Variants in LMLN observed in about 807,000 individuals in gnomAD.
LMLN encodes the protein leishmanolysin like peptidase.
Under a neutral mutation model 92.3 loss-of-function variants are expected in LMLN, and 70 were observed. The observed-to-expected ratio is 0.76, with a 90% CI of 0.63 to 0.92. The LOEUF is 0.92. LMLN is among the 40% of genes least tolerant of loss of function. LMLN has a pLI of 0.00. For synonymous variants in LMLN, 308 were observed against 296.2 expected, an observed-to-expected ratio of 1.04 and a Z score of -0.41; for missense variants, 691 against 814.6, an observed-to-expected ratio of 0.85 and a Z score of 1.85.
At position 197,994,815 on chromosome 3, in the gene LMLN, A is replaced by T. The variant is rs1721972436; in HGVS notation, c.1048-1360A>T. The T allele has an allele frequency of 2.0e-5, 3 of 152,250 alleles. No homozygotes were observed. The South Asian group carries it at 6.2e-4, about 31-fold the overall frequency. 9.4% of individuals were successfully genotyped at this position (152,250 alleles called of 1,614,324 possible). A position where few individuals can be genotyped will look rare whatever the true frequency, so the allele number is the denominator to read the frequency against. Reference sequence around the variant, plus strand: ...AAACTGGAAGTTCTTCAAAAAACTAAAAATAGAATTACCATATGCTCCAAC... The same window carrying T: ...AAACTGGAAGTTCTTCAAAAAACTATAAATAGAATTACCATATGCTCCAAC... On this transcript the variant is annotated intron_variant, in intron 9 of 15. Coordinates refer to ENST00000330198, the Ensembl canonical transcript of LMLN.
rs1199802639 is a variant in LMLN at position 197,983,438 on chromosome 3, A to G, written c.729-505A>G. 3.9e-5 allele frequency among the ~76,000 whole-genome samples: 6 copies of G among 152,290 alleles called. No homozygotes were observed. The East Asian group carries it at 1.2e-3, about 29-fold the overall frequency. On this transcript the variant is annotated intron_variant, in intron 6 of 15. Coordinates refer to ENST00000330198, the Ensembl canonical transcript of LMLN. ...AGGGTGTAGAATTTGGAAGAAGATG[A>G]TGGGATGGTAGAAATATTTATGTGA...
chr3:197,969,520 A>G (rs1302711835), intron 1 of LMLN, among the ~76,000 whole-genome samples: 1 of 152,084 alleles, frequency 6.6e-6, no homozygotes, highest in African/African-American at 2.4e-5. Flanking sequence ...GGATTTTCCC[A>G]GATATTGTTC....
At chr3:197,971,134 C>G (rs999552806) in intron 1 of LMLN, among the ~76,000 whole-genome samples, 6 of 152,214 alleles carry the variant, frequency 3.9e-5, no homozygotes, top group African/African-American at 1.4e-4. Flanking sequence ...ATTCGTACTT[C>G]TCTTCCCTTC....
intron 1 of LMLN, among the ~76,000 whole-genome samples, chr3:197,969,279 T>TA (rs1553815365): frequency 7.0e-5 from 9 of 128,770 alleles, no homozygotes; most frequent in African/African-American, 2.2e-4. Flanking sequence ...ATATATATAT[T>TA]TTTTTTAGTA....
intron 11 of LMLN, among the ~76,000 whole-genome samples, chr3:198,013,499 C>T (rs573526722): frequency 2.8e-3 from 345 of 123,416 alleles, no homozygotes; most frequent in Middle Eastern, 5.2e-3. Context: ...GACTTCTCTC[C>T]ACCCTTCAGA....
At chr3:198,038,941 C>CT (rs1415885636) in exon 16 of LMLN, 37 of 326,868 alleles carry the variant, frequency 1.1e-4, no homozygotes, top group Admixed American at 9.8e-4. Flanking sequence ...ACCCAACCAC[C>CT]TCGTCAGCAA....
chr3:197,965,338 T>C (rs80151985), intron 1 of LMLN, among the ~76,000 whole-genome samples: 1 of 152,100 alleles, frequency 6.6e-6, no homozygotes, highest in East Asian at 1.9e-4. Flanking sequence ...TTATTTATGG[T>C]TTAGAATATG....
intron 14 of LMLN, among the ~76,000 whole-genome samples, chr3:198,029,799 G>A (rs1380539086): frequency 6.6e-6 from 1 of 152,040 alleles, no homozygotes; most frequent in African/African-American, 2.4e-5. Flanking sequence ...TGGGGGTGGA[G>A]GAGTCAGGGG....
intron 8 of LMLN, among the ~76,000 whole-genome samples, chr3:197,989,159 T>C (rs1721796204): frequency 6.6e-6 from 1 of 152,196 alleles, no homozygotes; most frequent in Non-Finnish European, 1.5e-5. Flanking sequence ...TTGTGGGCTG[T>C]CGGTTTTCAA....
intron 14 of LMLN, among the ~76,000 whole-genome samples, chr3:198,027,144 A>G (rs150535395): frequency 4.3e-4 from 65 of 152,222 alleles, no homozygotes; most frequent in Non-Finnish European, 7.9e-4. Flanking sequence ...AGCTGCTGTC[A>G]TCTCAGCATG....
chr3:197,985,652 A>C (rs1206736138), intron 7 of LMLN, 144 bp from the exon 8 acceptor site: 10 of 487,604 alleles, frequency 2.1e-5, no homozygotes, highest in Middle Eastern at 5.2e-4. Flanking sequence ...ATTGTTGTTC[A>C]ATTCCAGCGT....
At chr3:198,038,583 C>G in exon 16 of LMLN, 8 of 1,613,824 alleles carry the variant, frequency 5.0e-6, no homozygotes, top group Non-Finnish European at 5.1e-6. Context: ...GTTCCTGTTC[C>G]TCGAGCCTGG....
intron 11 of LMLN, among the ~76,000 whole-genome samples, chr3:198,007,716 A>G (rs1722332329): frequency 6.6e-6 from 1 of 152,234 alleles, no homozygotes; most frequent in Admixed American, 6.5e-5. Flanking sequence ...TGTATCTGCC[A>G]AAAGACTTGC....
chr3:198,019,166 G>A lies in LMLN; in HGVS notation c.1233-87G>A. The A allele has an allele frequency of 7.6e-7, 1 of 1,317,390 alleles. No homozygotes were observed. The highest frequency in any genetic ancestry group is 1.0e-6 in the Non-Finnish European group (1 of 964,488). The allele number at this position is 1,317,390 out of a possible 1,614,324, so 81.6% of individuals were successfully genotyped here. On this transcript the variant is annotated intron_variant, in intron 11 of 15. Coordinates refer to ENST00000330198, the Ensembl canonical transcript of LMLN. The surrounding 1 kb of genome is among the most constrained non-coding windows in gnomAD (Gnocchi z 5.5). Reference sequence around the variant, plus strand: ...ATGAAGGTTTGTATTTTTAGGCCAGGATCTGGAATTCCATTTGTTGGCTGT... The same window carrying A: ...ATGAAGGTTTGTATTTTTAGGCCAGAATCTGGAATTCCATTTGTTGGCTGT...
intron 10 of LMLN, 104 bp downstream of exon 10, chr3:197,996,386 C>G: frequency 3.2e-6 from 2 of 631,216 alleles, no homozygotes; most frequent in Non-Finnish European, 5.2e-6. Context: ...TGTTTACGTC[C>G]CTTTACCCCT....
rs1345296694 is a variant in LMLN at position 198,031,842 on chromosome 3, C to T, written c.1657-3991C>T. ...TGGAGCCTGGCACAGTGGCTCACAC[C>T]TGTAATCACAGCACTTTGGGAGCCC... On this transcript the variant is annotated intron_variant, in intron 14 of 15. Coordinates refer to ENST00000330198, the Ensembl canonical transcript of LMLN. This position sits in a 1 kb window ranked among gnomAD's most constrained non-coding sequence, Gnocchi z 4.8. Among the ~76,000 whole-genome samples, 1 of 152,152 alleles carries T rather than the reference C, an allele frequency of 6.6e-6. No individual in the cohort carries two copies. Among genetic ancestry groups the T allele is most frequent in the East Asian group, 1.9e-4 (1 of 5,194 alleles).
At chr3:198,003,052 G>A in intron 11 of LMLN, 1 of 1,551,544 alleles carries the variant, frequency 6.4e-7, no homozygotes, top group Non-Finnish European at 8.7e-7. Context: ...TGAGAAGTTA[G>A]ACTGGGGCCG....
chr3:197,980,472 A>G (rs368548578), exon 6 of LMLN: 106 of 1,613,922 alleles, frequency 6.6e-5, no homozygotes, highest in South Asian at 5.3e-4. Context: ...TCTCTTATGC[A>G]GCCTATTGTC....
intron 1 of LMLN, among the ~76,000 whole-genome samples, chr3:197,966,092 G>A (rs1349150059): frequency 6.6e-6 from 1 of 152,130 alleles, no homozygotes; most frequent in East Asian, 1.9e-4. Context: ...GCCCAGGCTG[G>A]AGTGCAGTGA....
Sources: gnomAD v4.1 joint callset for allele counts (sites outside exome capture counted in the v4.1 genomes callset) on GRCh38, gnomAD v4.1.1 for gene constraint, Gnocchi (gnomAD v3.1) non-coding constraint, MANE v1.5 for transcripts, NCBI Gene and HGNC (gene_info 2026-07-23, HGNC 2026-07-21) for gene names.